The following ZNF777 variants were observed in gnomAD, a reference collection of about 807,000 sequenced individuals.
ZNF777 encodes the protein zinc finger protein 777.
ZNF777 carries 7 observed loss-of-function variants against 72.1 expected under a neutral mutation model. That is an observed-to-expected ratio of 0.10 (90% CI 0.06 to 0.18). ZNF777 has a LOEUF of 0.18. Among genes scored for constraint, ZNF777 ranks in the 10% least tolerant of loss-of-function variants. ZNF777 has a pLI of 1.00. For missense variants in ZNF777, 828 were observed against 1,128.6 expected (o/e 0.73, Z 3.82); for synonymous variants, 545 against 483.5 (o/e 1.13, Z -1.67).
In ZNF777 at chr7:149,454,569, T is replaced by C. The variant is rs549643734; in HGVS notation, c.847-332A>G. 3.9e-5 allele frequency among the ~76,000 whole-genome samples: 6 copies of C among 152,278 alleles called. No homozygotes were observed. In the East Asian group the frequency reaches 1.2e-3, roughly 29 times the overall value. On this transcript the variant is annotated intron_variant, in intron 2 of 5. Transcript: ENST00000247930. The stretch of plus-strand genomic sequence containing the variant: ...GGAGATCCATGTGCACAGTAACATT[T>C]GAGACATACCGGGCTAGAGAACAGA...
At chr7:149,453,671 G>C (rs1799768264) in intron 3 of ZNF777, among the ~76,000 whole-genome samples, 1 of 152,158 alleles carries the variant, frequency 6.6e-6, no homozygotes, top group Non-Finnish European at 1.5e-5. Flanking sequence ...CAACATCTTG[G>C]CTGTGCAGGT....
chr7:149,432,359 C>G lies in ZNF777; in HGVS notation c.1913G>C (p.Cys638Ser). Residue 638 changes from cysteine (C) to serine (S), a missense_variant, in exon 6 of 6, where the codon TGC becomes TCC. This residue lies in a region of ZNF777 where 100 missense variants were observed against 106.2 expected (regional missense o/e 0.94). Coordinates refer to ENST00000247930, the MANE Select transcript of ZNF777 (RefSeq NM_015694.3). ...GCTGAAGCTGCTGTCGCACTCGGGGCACTTGTAGGGCTTAGGGCCACCGCC... is the reference window on the plus strand; with the variant it reads ...GCTGAAGCTGCTGTCGCACTCGGGGGACTTGTAGGGCTTAGGGCCACCGCC... ...SGGGGPKPYK[C>S]PECDSSFSHK... 1 of 1,612,476 alleles carries G rather than the reference C, an allele frequency of 6.2e-7. No homozygotes were observed. The highest frequency in any genetic ancestry group is 8.5e-7 in the Non-Finnish European group (1 of 1,179,870).
intron 3 of ZNF777, among the ~76,000 whole-genome samples, chr7:149,452,980 A>C (rs1313683060): frequency 6.6e-6 from 1 of 152,264 alleles, no homozygotes; most frequent in East Asian, 1.9e-4. Flanking sequence ...CTAATGGTTC[A>C]CGTGGAACAC....
At position 149,431,475 on chromosome 7, in the gene ZNF777, C is replaced by A. The variant is rs1004691281; in HGVS notation, c.*301G>T. 6 of 446,830 alleles carry A rather than the reference C, an allele frequency of 1.3e-5. No individual in the cohort carries two copies. Among genetic ancestry groups the A allele is most frequent in the African/African-American group, 8.1e-5 (4 of 49,494 alleles). The allele number at this position is 446,830 out of a possible 1,614,324, so 27.7% of individuals were successfully genotyped here. ...CTACACCGCCCCTCTGAGTGGCCGGCGGCCAAATCACGCCCCCCGTGCTGA... is the reference window on the plus strand; with the variant it reads ...CTACACCGCCCCTCTGAGTGGCCGGAGGCCAAATCACGCCCCCCGTGCTGA... On this transcript the variant is annotated 3_prime_UTR_variant, in exon 6 of 6. Transcript: ENST00000247930.
intron 5 of ZNF777, 110 bp from the exon 6 acceptor site, chr7:149,433,042 C>T (rs1799349991): frequency 5.0e-6 from 7 of 1,396,672 alleles, no homozygotes; most frequent in Non-Finnish European, 6.5e-6. Flanking sequence ...GCATTATTGG[C>T]CCAAATTCCT....
At chr7:149,437,085 T>C (rs971823616) in intron 4 of ZNF777, among the ~76,000 whole-genome samples, 1 of 152,006 alleles carries the variant, frequency 6.6e-6, no homozygotes, top group Non-Finnish European at 1.5e-5. Flanking sequence ...TAAAAAAAAA[T>C]ATTCAGCATT....
At position 149,439,971 on chromosome 7, in the gene ZNF777, T is replaced by C. The variant is rs1799479604; in HGVS notation, c.1088-3145A>G. ...ACAGTTCAGAATCAATTTTAGTCTT[T>C]TTCATTTTTATATATGAAACCTCAT... On this transcript the variant is annotated intron_variant, in intron 4 of 5. Coordinates refer to ENST00000247930, the MANE Select transcript of ZNF777 (RefSeq NM_015694.3). Among the ~76,000 whole-genome samples, 5 of 152,360 alleles carry C rather than the reference T, an allele frequency of 3.3e-5. No individual in the cohort carries two copies. In the South Asian group the frequency reaches 1.0e-3, roughly 32 times the overall value.
chr7:149,441,060 C>T (rs1799505800), intron 4 of ZNF777, among the ~76,000 whole-genome samples: 2 of 152,174 alleles, frequency 1.3e-5, no homozygotes, highest in Admixed American at 6.5e-5. Flanking sequence ...GCAGTATGTA[C>T]ACACTTTCAC....
chr7:149,456,646 G>A (rs1335596651), intron 1 of ZNF777, among the ~76,000 whole-genome samples: 1 of 152,198 alleles, frequency 6.6e-6, no homozygotes, highest in Non-Finnish European at 1.5e-5. Context: ...TTGGCATCCA[G>A]CCACCACCAC....
chr7:149,450,993 A>T lies in ZNF777; in HGVS notation c.1087+6T>A. The T allele has an allele frequency of 6.2e-7, 1 of 1,611,208 alleles. No individual in the cohort carries two copies. Among genetic ancestry groups the T allele is most frequent in the Non-Finnish European group, 8.5e-7 (1 of 1,178,208 alleles). On this transcript the variant is annotated splice_donor_region_variant and intron_variant, in intron 4 of 5. Transcript: ENST00000247930. ...GCAGAGCTGCAGATCACCCTTAGCCACTCACCAGCACTGGGATCTGTCGGC... is the reference window on the plus strand; with the variant it reads ...GCAGAGCTGCAGATCACCCTTAGCCTCTCACCAGCACTGGGATCTGTCGGC...
chr7:149,451,159 C>G (rs372803988), intron 3 of ZNF777, 47 bp from the exon 4 acceptor site: 3 of 1,534,532 alleles, frequency 2.0e-6, no homozygotes, highest in Non-Finnish European at 2.7e-6. Context: ...TGAGGTTGCA[C>G]TGGATGTTGT....
rs769524003 is a variant in ZNF777, at chr7:149,432,698, T to G, written c.1574A>C (p.His525Pro). ...CGAGGCCCCGCGGTTCTCGCTCAGG[T>G]GCCGCTCACCGTGCACGGAGGGCGC... ...RLAPSVHGER[H>P]LSENRGASSQ... is the part of the protein sequence containing the mutation. Residue 525 changes from histidine (H) to proline (P), a missense_variant, in exon 6 of 6, where the codon CAC (histidine) becomes CCC (proline). His to Pro is a moderately conservative substitution (Grantham distance 77). Coordinates refer to ENST00000247930, the MANE Select transcript of ZNF777 (RefSeq NM_015694.3). 14 of 1,612,684 alleles carry G rather than the reference T, an allele frequency of 8.7e-6. No individual in the cohort carries two copies. Among genetic ancestry groups the G allele is most frequent in the Non-Finnish European group, 1.2e-5 (14 of 1,179,540 alleles).
chr7:149,453,670 G>A (rs2116603722), intron 3 of ZNF777, among the ~76,000 whole-genome samples: 1 of 152,314 alleles, frequency 6.6e-6, no homozygotes, highest in African/African-American at 2.4e-5. Flanking sequence ...GCAACATCTT[G>A]GCTGTGCAGG....
chr7:149,445,260 A>C (rs1799583311), intron 4 of ZNF777, among the ~76,000 whole-genome samples: 1 of 152,156 alleles, frequency 6.6e-6, no homozygotes, highest in Non-Finnish European at 1.5e-5. Context: ...AGGATTTTAC[A>C]TGTGAGTATT....
intron 3 of ZNF777, among the ~76,000 whole-genome samples, chr7:149,451,751 A>AT (rs1397893597): frequency 1.3e-5 from 2 of 152,188 alleles, no homozygotes; most frequent in Non-Finnish European, 2.9e-5. Context: ...TAAAATATCG[A>AT]TAGATTTTCT....
rs938608967 is a variant in ZNF777, at chr7:149,432,103, C to T, written c.2169G>A (p.Lys723=). The change falls in exon 6 of 6, where the codon AAG becomes AAA. Residue 723 remains lysine (K), a synonymous_variant. Coordinates refer to ENST00000247930, the MANE Select transcript of ZNF777 (RefSeq NM_015694.3). Reference sequence around the variant, plus strand: ...TGAAGCTCTTCTCGCACTCGGGGCACTTGAAGGGCCGCTCGCCTGTGTGAG... The same window carrying T: ...TGAAGCTCTTCTCGCACTCGGGGCATTTGAAGGGCCGCTCGCCTGTGTGAG... ...QRTHTGERPF[K]CPECEKSFSE... 2.5e-6 allele frequency: 4 copies of T among 1,597,228 alleles called. No homozygotes were observed. The highest frequency in any genetic ancestry group is 3.4e-6 in the Non-Finnish European group (4 of 1,177,238).
chr7:149,440,595 TG>T (rs1352353824), intron 4 of ZNF777, among the ~76,000 whole-genome samples: 1 of 151,256 alleles, frequency 6.6e-6, no homozygotes. Context: ...TGGACTCAAG[TG>T]ATCTTCCCAT....
At position 149,436,471 on chromosome 7, in the gene ZNF777, T is replaced by C. The variant is rs1799411979; in HGVS notation, c.1339+104A>G. 1 of 1,360,748 alleles carries C rather than the reference T, an allele frequency of 7.3e-7. No homozygotes were observed. 84.3% of individuals were successfully genotyped at this position (1,360,748 alleles called of 1,614,324 possible). On this transcript the variant is annotated intron_variant, in intron 5 of 5. Transcript: ENST00000247930. This position sits in a 1 kb window ranked among gnomAD's most constrained non-coding sequence, Gnocchi z 5.0. ...TCTTTCCCACCTGTTGCCCCATCAG[T>C]GTCCAGCTACCTCTCTGAAGGAACC...
At chr7:149,450,919 A>G (rs1799700479) in intron 4 of ZNF777, 80 bp downstream of exon 4, 2 of 1,305,206 alleles carry the variant, frequency 1.5e-6, no homozygotes, top group African/African-American at 2.9e-5. Context: ...CCTACCTTGG[A>G]TTGTGCTGCC....
Sources: allele counts gnomAD v4.1 joint callset (sites outside exome capture counted in the v4.1 genomes callset), GRCh38; gene constraint gnomAD v4.1.1; regional missense constraint gnomAD v4.1.1; non-coding constraint Gnocchi (gnomAD v3.1); transcripts MANE v1.5; gene names NCBI Gene and HGNC (gene_info 2026-07-23, HGNC 2026-07-21).